The following CIROZ variants were observed in gnomAD, a reference collection of about 807,000 sequenced individuals.
The protein encoded by CIROZ is ciliated left-right organizer protein containing ZP-N domains.
At chr1:10,950,381 A>C in the CIROZ span, among the ~76,000 whole-genome samples, 6 of 152,122 alleles carry the variant, frequency 3.9e-5, no homozygotes, top group African/African-American at 1.4e-4. Context: ...TGCAAGGGGC[A>C]CCTGGCCCTG....
the CIROZ span, among the ~76,000 whole-genome samples, chr1:10,973,964 C>CA: frequency 6.6e-6 from 1 of 151,826 alleles, no homozygotes. Flanking sequence ...GGACCCCCCC[C>CA]ACCAAGTCTC....
At chr1:10,969,551 G>A in the CIROZ span, among the ~76,000 whole-genome samples, 2 of 152,150 alleles carry the variant, frequency 1.3e-5, no homozygotes, top group African/African-American at 2.4e-5. Context: ...GGAGCATAGC[G>A]GCACCAGATG....
the CIROZ span, chr1:10,976,138 A>G: frequency 8.5e-6 from 13 of 1,532,900 alleles, no homozygotes; most frequent in South Asian, 1.2e-5. Flanking sequence ...GCCAACCATA[A>G]AAGTGTGATT....
chr1:10,961,644 T>A, the CIROZ span, among the ~76,000 whole-genome samples: 1 of 152,258 alleles, frequency 6.6e-6, no homozygotes, highest in Admixed American at 6.5e-5. Context: ...CAATAGATGC[T>A]CAATAAATGC....
At chr1:10,957,628 A>G in the CIROZ span, 10 of 1,614,078 alleles carry the variant, frequency 6.2e-6, no homozygotes, top group Non-Finnish European at 7.6e-6. Flanking sequence ...CCCACCTCTG[A>G]AGAAGGCCTT....
At chr1:10,980,991 C>T in the CIROZ span, among the ~76,000 whole-genome samples, 1 of 152,226 alleles carries the variant, frequency 6.6e-6, no homozygotes, top group South Asian at 2.1e-4. Flanking sequence ...CACAAAACGC[C>T]CAACAAAAGC....
the CIROZ span, chr1:10,948,250 C>T: frequency 1.9e-6 from 3 of 1,613,972 alleles, no homozygotes; most frequent in South Asian, 1.1e-5. Flanking sequence ...AGACCAGGCC[C>T]TGTCTGGCGT....
the CIROZ span, chr1:10,947,589 T>C: frequency 7.9e-7 from 1 of 1,257,884 alleles, no homozygotes; most frequent in Non-Finnish European, 1.0e-6. Context: ...GGCCGACCCA[T>C]CACTGCCTCC....
the CIROZ span, chr1:10,948,342 GTGGCCCGC>G: frequency 6.2e-7 from 1 of 1,613,608 alleles, no homozygotes; most frequent in Non-Finnish European, 8.5e-7. Context: ...TGCAGCCAGT[GTGGCCCGC>G]CAGGGCCTCG....
At chr1:10,950,838 C>T in the CIROZ span, among the ~76,000 whole-genome samples, 1 of 150,112 alleles carries the variant, frequency 6.7e-6, no homozygotes, top group Admixed American at 6.6e-5. Context: ...TAACCAACAA[C>T]ATTTTAAAAG....
chr1:10,962,266 G>A, the CIROZ span, among the ~76,000 whole-genome samples: 1 of 151,804 alleles, frequency 6.6e-6, no homozygotes, highest in Non-Finnish European at 1.5e-5. Flanking sequence ...GCCAACATGA[G>A]GAAACCCCGT....
the CIROZ span, among the ~76,000 whole-genome samples, chr1:10,962,142 G>A: frequency 1.1e-4 from 17 of 152,018 alleles, no homozygotes; most frequent in Admixed American, 2.0e-4. Flanking sequence ...GCCGCACAGT[G>A]CCTACAAAAT....
At chr1:10,955,580 T>C in the CIROZ span, among the ~76,000 whole-genome samples, 64,097 of 151,972 alleles carry the variant, frequency 0.42, 16,906 homozygotes, top group African/African-American at 0.73. Context: ...CAGTGGTCCA[T>C]GCCTGTAATC....
chr1:10,981,033 A>G, the CIROZ span, among the ~76,000 whole-genome samples: 4 of 152,272 alleles, frequency 2.6e-5, no homozygotes, highest in Non-Finnish European at 5.9e-5. Context: ...GCCACAAGCC[A>G]GCTATTGTGA....
chr1:10,979,698 A>G, the CIROZ span, among the ~76,000 whole-genome samples: 1 of 152,222 alleles, frequency 6.6e-6, no homozygotes, highest in Non-Finnish European at 1.5e-5. Flanking sequence ...CAGTGGTAGA[A>G]TGGACCCATT....
At chr1:10,976,210 G>A in the CIROZ span, 6 of 1,536,608 alleles carry the variant, frequency 3.9e-6, no homozygotes, top group East Asian at 1.2e-4. Context: ...CTGAAGGAGA[G>A]GCTCCATGGG....
chr1:10,970,176 G>A, the CIROZ span: 11 of 1,179,450 alleles, frequency 9.3e-6, no homozygotes, highest in South Asian at 5.0e-5. Context: ...AAGGAAGGAA[G>A]GAAAAGAAGG....
At chr1:10,949,302 C>T in the CIROZ span, 25 of 383,228 alleles carry the variant, frequency 6.5e-5, no homozygotes, top group Non-Finnish European at 1.1e-4. Context: ...CAGTTTCCCT[C>T]CCTCCATTTG....
the CIROZ span, chr1:10,947,895 C>G: frequency 1.1e-5 from 17 of 1,613,358 alleles, no homozygotes; most frequent in East Asian, 8.9e-5. Flanking sequence ...TGCAACCCCC[C>G]ACTCCTCCTG....
Sources: gnomAD v4.1 joint callset for allele counts (sites outside exome capture counted in the v4.1 genomes callset) on GRCh38, gnomAD v4.1.1 for gene constraint, MANE v1.5 for transcripts, NCBI Gene and HGNC (gene_info 2026-07-23, HGNC 2026-07-21) for gene names.